Variants in ETV5 observed in about 807,000 individuals in gnomAD.
ETV5 encodes the protein ETS variant transcription factor 5, also known as ETS translocation variant 5.
A neutral mutation model predicts 70.0 loss-of-function variants in ETV5; 10 were observed. The observed-to-expected ratio is 0.14, with a 90% CI of 0.09 to 0.24. The LOEUF (loss-of-function observed/expected upper bound fraction) is 0.24, where lower values mean the gene tolerates loss of function less well. ETV5 is among the 10% of genes least tolerant of loss of function. The probability of loss-of-function intolerance (pLI) is 1.00; values close to 1 mark genes in which losing one functional copy is unlikely to be tolerated. For synonymous variants in ETV5, 216 were observed against 242.2 expected, an observed-to-expected ratio of 0.89 and a Z score of 1.01; for missense variants, 453 against 651.2, an observed-to-expected ratio of 0.70 and a Z score of 3.31.
At chr3:186,108,467 T>C in intron 1 of ETV5, 1 of 1,254,308 alleles carries the variant, frequency 8.0e-7, no homozygotes, top group Non-Finnish European at 1.0e-6. Flanking sequence ...CTGTGTCATT[T>C]ACCCCCTCCC....
At chr3:186,102,829 G>C (rs963348147) in intron 5 of ETV5, among the ~76,000 whole-genome samples, 1 of 152,104 alleles carries the variant, frequency 6.6e-6, no homozygotes, top group Non-Finnish European at 1.5e-5. Flanking sequence ...ACTCGAGGCT[G>C]TGGAAAGCGC....
intron 5 of ETV5, among the ~76,000 whole-genome samples, chr3:186,096,730 A>C (rs1020680160): frequency 1.3e-5 from 2 of 152,172 alleles, no homozygotes; most frequent in Admixed American, 1.3e-4. Context: ...AATCCTGAGG[A>C]AGTTGCTCTG....
At position 186,047,346 on chromosome 3, in the gene ETV5, C is replaced by T. The variant is rs1390034304; in HGVS notation, c.*1293G>A. 8.6e-6 allele frequency: 2 copies of T among 231,362 alleles called. No homozygotes were observed. Among genetic ancestry groups the T allele is most frequent in the African/African-American group, 2.2e-5 (1 of 45,154 alleles). 14.3% of individuals were successfully genotyped at this position (231,362 alleles called of 1,614,324 possible). Reference sequence around the variant, plus strand: ...TCAGTATCACACGTAAGTCTCAAACCCTACTGAATCACACAGGTAGGGTTT... The same window carrying T: ...TCAGTATCACACGTAAGTCTCAAACTCTACTGAATCACACAGGTAGGGTTT... On this transcript the variant is annotated 3_prime_UTR_variant, in exon 13 of 13. Coordinates refer to ENST00000306376, the MANE Select transcript of ETV5 (RefSeq NM_004454.3).
Position 186,054,263 on chromosome 3 carries a change from T to C in ETV5, c.1210-2132A>G, listed in dbSNP as rs1713103990. On this transcript the variant is annotated intron_variant, in intron 11 of 12. Transcript: ENST00000306376. The surrounding 1 kb of genome is among the most constrained non-coding windows in gnomAD (Gnocchi z 4.4). ...AGGCAATAGCTTGTCATCAGATCTT[T>C]CTTCTCTCTCATTAGTTACTTTGGT... Among the ~76,000 whole-genome samples, 2 of 152,206 alleles carry C rather than the reference T, an allele frequency of 1.3e-5. No individual in the cohort carries two copies. The highest frequency in any genetic ancestry group is 4.1e-4 in the South Asian group (2 of 4,830).
At chr3:186,069,509 T>TC (rs1713544507) in intron 7 of ETV5, among the ~76,000 whole-genome samples, 1 of 150,518 alleles carries the variant, frequency 6.6e-6, no homozygotes, top group Admixed American at 6.7e-5. Flanking sequence ...TTGTTTTTTT[T>TC]TTTTTTTTTT....
intron 7 of ETV5, among the ~76,000 whole-genome samples, chr3:186,069,409 C>T (rs913634984): frequency 1.4e-4 from 21 of 152,150 alleles, no homozygotes; most frequent in Admixed American, 2.0e-4. Context: ...TGTAAATTCC[C>T]GTCTCAGGTT....
chr3:186,096,434 G>C (rs1029660226), intron 5 of ETV5, among the ~76,000 whole-genome samples: 1 of 152,174 alleles, frequency 6.6e-6, no homozygotes, highest in South Asian at 2.1e-4. Flanking sequence ...GCACTCAGCT[G>C]AAAGTGTTTA....
At chr3:186,055,545 A>C (rs1713138813) in intron 11 of ETV5, among the ~76,000 whole-genome samples, 1 of 152,258 alleles carries the variant, frequency 6.6e-6, no homozygotes, top group Non-Finnish European at 1.5e-5. Flanking sequence ...TAATTAGTCC[A>C]TCTAGAGATG....
At chr3:186,078,930 G>C (rs1454399600) in intron 7 of ETV5, 3 of 374,408 alleles carry the variant, frequency 8.0e-6, no homozygotes, top group Admixed American at 5.6e-5. Flanking sequence ...ATCTGGAATG[G>C]ACCAGGCCTG....
rs1458935768 is a variant in ETV5, at chr3:186,057,348, AAG to A, written c.1039+73_1039+74del. ...TGCTGATTTAATCACTGGACTTGGGAAGAGAGTCATGGCTGAGGTGTTCTGAC... is the reference window on the plus strand; with the variant it reads ...TGCTGATTTAATCACTGGACTTGGGAAGAGTCATGGCTGAGGTGTTCTGAC... On this transcript the variant is annotated intron_variant, in intron 10 of 12. Transcript: ENST00000306376. The surrounding 1 kb of genome is among the most constrained non-coding windows in gnomAD (Gnocchi z 4.9). 6 of 1,605,852 alleles carry A rather than the reference AAG, an allele frequency of 3.7e-6. No individual in the cohort carries two copies. In the African/African-American group the frequency reaches 4.0e-5, roughly 11 times the overall value.
chr3:186,089,701 C>T (rs1328442302), intron 5 of ETV5, among the ~76,000 whole-genome samples: 1 of 152,084 alleles, frequency 6.6e-6, no homozygotes, highest in Non-Finnish European at 1.5e-5. Flanking sequence ...AGCGACTGGC[C>T]AAGACTTCAA....
chr3:186,097,243 G>C (rs1277221105), intron 5 of ETV5, among the ~76,000 whole-genome samples: 1 of 151,956 alleles, frequency 6.6e-6, no homozygotes, highest in Non-Finnish European at 1.5e-5. Flanking sequence ...CTCAGTACCA[G>C]AAGTTTGAGT....
intron 7 of ETV5, 52 bp from the exon 8 acceptor site, chr3:186,066,124 C>G: frequency 5.4e-6 from 8 of 1,494,318 alleles, no homozygotes; most frequent in Non-Finnish European, 4.5e-6. Flanking sequence ...TGAATTCCTA[C>G]TATGATTGAG....
At chr3:186,103,664 CACACACTT>C (rs1367750458) in intron 5 of ETV5, among the ~76,000 whole-genome samples, 28 of 114,436 alleles carry the variant, frequency 2.4e-4, no homozygotes, top group Non-Finnish European at 4.7e-4. Flanking sequence ...CACACACACA[CACACACTT>C]GGATTATCTT....
rs1560057979 is a variant in ETV5 at position 186,105,085 on chromosome 3, TTATG to T, written c.232+216_232+219del. Reference sequence around the variant, plus strand: ...AGGTAAAAAGAAATTTAGGATAAAATTATGTTCAGTAAATCTTACCTGCAATACA... The same window carrying T: ...AGGTAAAAAGAAATTTAGGATAAAATTTCAGTAAATCTTACCTGCAATACA... On this transcript the variant is annotated intron_variant, in intron 5 of 12. Coordinates refer to ENST00000306376, the MANE Select transcript of ETV5 (RefSeq NM_004454.3). The surrounding 1 kb of genome is among the most constrained non-coding windows in gnomAD (Gnocchi z 4.5). 2.2e-6 allele frequency: 1 copy of T among 452,390 alleles called. No homozygotes were observed. Among genetic ancestry groups the T allele is most frequent in the East Asian group, 3.7e-5 (1 of 27,018 alleles). The allele number at this position is 452,390 out of a possible 1,614,324, so 28.0% of individuals were successfully genotyped here.
At position 186,082,392 on chromosome 3, in the gene ETV5, C is replaced by T. The variant is rs114308342; in HGVS notation, c.233-1217G>A. On this transcript the variant is annotated intron_variant, in intron 5 of 12. Coordinates refer to ENST00000306376, the MANE Select transcript of ETV5 (RefSeq NM_004454.3). The stretch of plus-strand genomic sequence containing the variant: ...TAGGAGTTACTTCTTAGTAATTATA[C>T]GAGGTAGAACTAGCTAAACAAATCA... Among the ~76,000 whole-genome samples, 1,045 of 151,364 alleles carry T rather than the reference C, an allele frequency of 6.9e-3. 12 individuals are homozygous for T. The highest frequency in any genetic ancestry group is 0.024 in the African/African-American group (998 of 41,246).
In ETV5 at chr3:186,065,675, T is replaced by C. The variant is rs539346524; in HGVS notation, c.910+138A>G. 103 of 1,032,542 alleles carry C rather than the reference T, an allele frequency of 1.0e-4. 1 individual carries two copies. The South Asian group carries it at 1.7e-3, about 17-fold the overall frequency. 64.0% of individuals were successfully genotyped at this position (1,032,542 alleles called of 1,614,324 possible). On this transcript the variant is annotated intron_variant, in intron 8 of 12. Coordinates refer to ENST00000306376, the MANE Select transcript of ETV5 (RefSeq NM_004454.3). ...TCAGCTCTACTAGCTCCTAAGTTATTTGAGGGCAATTCTTATAAAAATTAT... is the reference window on the plus strand; with the variant it reads ...TCAGCTCTACTAGCTCCTAAGTTATCTGAGGGCAATTCTTATAAAAATTAT...
intron 7 of ETV5, 69 bp downstream of exon 7, chr3:186,079,748 C>T (rs757953835): frequency 8.6e-5 from 128 of 1,483,352 alleles, no homozygotes; most frequent in Non-Finnish European, 1.1e-4. Context: ...CAAACTGCTT[C>T]CCCTCTCCCA....
At chr3:186,088,713 C>T (rs191597036) in intron 5 of ETV5, among the ~76,000 whole-genome samples, 6 of 152,216 alleles carry the variant, frequency 3.9e-5, no homozygotes, top group African/African-American at 1.4e-4. Context: ...AAAAATCCAC[C>T]AGGGAAGAGC....
Sources: gnomAD v4.1 joint callset for allele counts (sites outside exome capture counted in the v4.1 genomes callset) on GRCh38, gnomAD v4.1.1 for gene constraint, Gnocchi (gnomAD v3.1) non-coding constraint, MANE v1.5 for transcripts, NCBI Gene and HGNC (gene_info 2026-07-23, HGNC 2026-07-21) for gene names.